Variants in NUB1 observed in about 807,000 individuals in gnomAD.
The protein encoded by NUB1 is negative regulator of ubiquitin like proteins 1, also known as NEDD8 ultimate buster 1.
A neutral mutation model predicts 77.1 loss-of-function variants in NUB1; 41 were observed. The ratio of observed to expected loss-of-function variants is 0.53; its 90% confidence interval spans 0.41 to 0.69. NUB1 has a LOEUF of 0.69. NUB1 is among the 30% of genes least tolerant of loss of function. The probability of loss-of-function intolerance (pLI) is 0.00; values close to 1 mark genes in which losing one functional copy is unlikely to be tolerated. For synonymous variants in NUB1, 257 were observed against 281.0 expected (o/e 0.91, Z 0.85); for missense variants, 643 against 743.8 (o/e 0.86, Z 1.58).
At position 151,375,872 on chromosome 7, in the gene NUB1, T is replaced by C. The variant is rs1237879492; in HGVS notation, c.1420T>C (p.Trp474Arg). The change falls in exon 13 of 15, where the codon TGG becomes CGG. Residue 474 changes from tryptophan to arginine, a missense_variant. Transcript: ENST00000568733. ...LKILLSNPQM[W>R]WLNDSNPETD... ...GATTCTGCTCAGCAATCCTCAGATG[T>C]GGTGGTTAAATGATTCCAATCCTGA... is the stretch of plus-strand genomic sequence containing the variant. 1 of 1,612,430 alleles carries C rather than the reference T, an allele frequency of 6.2e-7. No homozygotes were observed. The highest frequency in any genetic ancestry group is 1.7e-5 in the Admixed American group (1 of 60,016).
At chr7:151,368,653 C>A in intron 10 of NUB1, 82 bp from the exon 11 acceptor site, 1 of 1,433,886 alleles carries the variant, frequency 7.0e-7, no homozygotes, top group Admixed American at 2.4e-5. Flanking sequence ...TGGATACAAT[C>A]TAATTTCTTT....
chr7:151,368,405 T>C (rs956870283), intron 10 of NUB1, among the ~76,000 whole-genome samples: 2 of 152,332 alleles, frequency 1.3e-5, no homozygotes, highest in Middle Eastern at 3.4e-3. Flanking sequence ...ACTACCTGGC[T>C]ACACCCAGCT....
intron 1 of NUB1, among the ~76,000 whole-genome samples, chr7:151,342,476 T>G (rs1796259920): frequency 6.6e-6 from 1 of 152,230 alleles, no homozygotes. Context: ...TAAAGGATCG[T>G]TATAACGTTT....
At chr7:151,357,083 C>T (rs75857504) in intron 7 of NUB1, among the ~76,000 whole-genome samples, 5,676 of 152,210 alleles carry the variant, frequency 0.037, 145 homozygotes, top group South Asian at 0.11. Flanking sequence ...GTGGCACCAT[C>T]ATAGCTCACT....
At chr7:151,363,896 C>G (rs1042765711) in intron 8 of NUB1, among the ~76,000 whole-genome samples, 9 of 151,812 alleles carry the variant, frequency 5.9e-5, no homozygotes, top group Non-Finnish European at 8.8e-5. Context: ...TGGGTTCAAG[C>G]GATTCTCCTG....
intron 6 of NUB1, 57 bp downstream of exon 6, chr7:151,356,007 A>C (rs1797047392): frequency 6.3e-7 from 1 of 1,577,460 alleles, no homozygotes; most frequent in Non-Finnish European, 8.7e-7. Context: ...GCACTGGATC[A>C]CACAGTTGGG....
At chr7:151,366,442 GA>G (rs1363543213) in intron 8 of NUB1, among the ~76,000 whole-genome samples, 1 of 152,124 alleles carries the variant, frequency 6.6e-6, no homozygotes, top group Admixed American at 6.5e-5. Context: ...CAGCTGGGGA[GA>G]CTCTGGCAGT....
chr7:151,360,345 T>C, intron 8 of NUB1, 98 bp downstream of exon 8: 2 of 622,194 alleles, frequency 3.2e-6, no homozygotes. Context: ...GACTTTCATC[T>C]ACAACAGTGG....
At chr7:151,354,407 T>C (rs2150676494) in intron 5 of NUB1, among the ~76,000 whole-genome samples, 1 of 152,136 alleles carries the variant, frequency 6.6e-6, no homozygotes, top group East Asian at 1.9e-4. Flanking sequence ...GTCATATTTC[T>C]CAAAAGAAAA....
intron 12 of NUB1, among the ~76,000 whole-genome samples, chr7:151,375,131 CT>C (rs1798155090): frequency 1.3e-5 from 2 of 152,162 alleles, no homozygotes; most frequent in Non-Finnish European, 2.9e-5. Flanking sequence ...TCCACCCTGC[CT>C]TTGCCTCTTA....
chr7:151,352,085 T>C, intron 4 of NUB1: 1 of 456,706 alleles, frequency 2.2e-6, no homozygotes, highest in Non-Finnish European at 4.4e-6. Context: ...TTCTTTGGTC[T>C]ACATCAGGGC....
chr7:151,352,456 T>C, intron 4 of NUB1: 1 of 272,296 alleles, frequency 3.7e-6, no homozygotes, highest in Non-Finnish European at 7.2e-6. Context: ...AAATATTTAT[T>C]TTTTAGAGAC....
Position 151,341,918 on chromosome 7 carries a change from C to G in NUB1, c.-3+72C>G, listed in dbSNP as rs549381197. On this transcript the variant is annotated intron_variant, in intron 1 of 14. Coordinates refer to ENST00000568733, the MANE Select transcript of NUB1 (RefSeq NM_001243351.2). Reference sequence around the variant, plus strand: ...CTGCTTGGCGCCCCGGTTCCCGGTCCGACTGGGCACCTCTCCTGGCCAGGG... The same window carrying G: ...CTGCTTGGCGCCCCGGTTCCCGGTCGGACTGGGCACCTCTCCTGGCCAGGG... The G allele has an allele frequency of 1.2e-3, 1,635 of 1,412,762 alleles. 19 individuals are homozygous for G. In the Admixed American group the frequency reaches 0.034, roughly 29 times the overall value. 87.5% of individuals were successfully genotyped at this position (1,412,762 alleles called of 1,614,324 possible). A position where few individuals can be genotyped will look rare whatever the true frequency, so the allele number is the denominator to read the frequency against.
chr7:151,345,399 A>C lies in NUB1; in HGVS notation c.50A>C (p.Glu17Ala). 1 of 1,613,040 alleles carries C rather than the reference A, an allele frequency of 6.2e-7. No homozygotes were observed. The highest frequency in any genetic ancestry group is 8.5e-7 in the Non-Finnish European group (1 of 1,179,476). The change falls in exon 2 of 15, where the codon GAA becomes GCA. Residue 17 changes from glutamate (E) to alanine (A), a missense_variant. Coordinates refer to ENST00000568733, the MANE Select transcript of NUB1 (RefSeq NM_001243351.2). ...GCAAAATTGACCCAGTTTTTAAGGGAAGACAGGATTCAACTTTGGAAACCT... is the reference window on the plus strand; with the variant it reads ...GCAAAATTGACCCAGTTTTTAAGGGCAGACAGGATTCAACTTTGGAAACCT... ...LQAKLTQFLR[E>A]DRIQLWKPPY... is the part of the protein sequence containing the mutation.
Position 151,352,162 on chromosome 7 carries a change from C to T in NUB1, c.345-650C>T, listed in dbSNP as rs753675058. On this transcript the variant is annotated intron_variant, in intron 4 of 14. Coordinates refer to ENST00000568733, the MANE Select transcript of NUB1 (RefSeq NM_001243351.2). Reference sequence around the variant, plus strand: ...GTAGAAGACCCTGTGGATCAGCCCCCGCTATGGGCTTCTCCAGGGAGACCA... The same window carrying T: ...GTAGAAGACCCTGTGGATCAGCCCCTGCTATGGGCTTCTCCAGGGAGACCA... 26 of 456,552 alleles carry T rather than the reference C, an allele frequency of 5.7e-5. 1 individual carries two copies. The highest frequency in any genetic ancestry group is 1.9e-4 in the South Asian group (12 of 64,576). 28.3% of individuals were successfully genotyped at this position (456,552 alleles called of 1,614,324 possible). A position where few individuals can be genotyped will look rare whatever the true frequency, so the allele number is the denominator to read the frequency against.
At chr7:151,355,436 G>A (rs1797020667) in intron 5 of NUB1, among the ~76,000 whole-genome samples, 2 of 152,234 alleles carry the variant, frequency 1.3e-5, no homozygotes, top group African/African-American at 4.8e-5. Context: ...CACTTTGTGA[G>A]GCTGAGGTGG....
rs1018852893 is a variant in NUB1, at chr7:151,367,954, G to A, written c.1081G>A (p.Glu361Lys). The A allele has an allele frequency of 7.0e-6, 11 of 1,576,610 alleles. No individual in the cohort carries two copies. Among genetic ancestry groups the A allele is most frequent in the African/African-American group, 5.4e-5 (4 of 74,176 alleles). ...CAGTGGAAATGATGTAGAGGCTTATGAGTATCTTAACAAGGTAAGAAAAGT... is the reference window on the plus strand; with the variant it reads ...CAGTGGAAATGATGTAGAGGCTTATAAGTATCTTAACAAGGTAAGAAAAGT... The part of the protein sequence containing the change: ...YHSGNDVEAY[E>K]YLNKARQLFK... The change falls in exon 10 of 15, where the codon GAG (glutamate) becomes AAG (lysine). Residue 361 changes from glutamate (E) to lysine (K), a missense_variant. Coordinates refer to ENST00000568733, the MANE Select transcript of NUB1 (RefSeq NM_001243351.2).
chr7:151,363,182 T>C (rs114195186), intron 8 of NUB1, among the ~76,000 whole-genome samples: 2,432 of 152,034 alleles, frequency 0.016, 78 homozygotes, highest in African/African-American at 0.056. Flanking sequence ...GATCCAGAAG[T>C]GACACAGAAG....
chr7:151,359,750 C>A (rs1797281878), intron 7 of NUB1, among the ~76,000 whole-genome samples: 1 of 152,134 alleles, frequency 6.6e-6, no homozygotes. Context: ...GCCCTCCAGC[C>A]TGGACGACAG....
Sources: allele counts gnomAD v4.1 joint callset (sites outside exome capture counted in the v4.1 genomes callset), GRCh38; gene constraint gnomAD v4.1.1; transcripts MANE v1.5; gene names NCBI Gene and HGNC (gene_info 2026-07-23, HGNC 2026-07-21).